Variants in SEM1 observed in about 807,000 individuals in gnomAD.
SEM1 encodes 26S proteasome complex subunit SEM1.
SEM1 carries 3 observed loss-of-function variants against 12.7 expected under a neutral mutation model. That is an observed-to-expected ratio of 0.24 (90% confidence interval 0.11 to 0.61). SEM1 has a LOEUF of 0.61. Ranked by LOEUF, SEM1 falls within the 20% of genes least tolerant of loss-of-function variation. SEM1 has a pLI of 0.88. For synonymous variants in SEM1, 30 were observed against 27.8 expected, an observed-to-expected ratio of 1.08 and a Z score of -0.25; for missense variants, 59 against 81.3, an observed-to-expected ratio of 0.73 and a Z score of 1.06.
At chr7:96,486,136 A>G in intron 2 of SEM1, 10 of 1,225,662 alleles carry the variant, frequency 8.2e-6, no homozygotes, top group South Asian at 1.4e-5. Context: ...TCTGGTGTCA[A>G]AGACTTAGAG....
chr7:96,484,200 G>T (rs1802661499), intron 3 of SEM1, among the ~76,000 whole-genome samples: 1 of 152,154 alleles, frequency 6.6e-6, no homozygotes, highest in African/African-American at 2.4e-5. Flanking sequence ...TGGCAGAATA[G>T]GTCCAGAGGT....
At chr7:96,485,231 C>T (rs1158920024) in intron 2 of SEM1, among the ~76,000 whole-genome samples, 1 of 152,158 alleles carries the variant, frequency 6.6e-6, no homozygotes, top group African/African-American at 2.4e-5. Context: ...TATTGGTTTC[C>T]TATTGCTACT....
exon 2 of SEM1, chr7:96,486,270 C>G (rs1316845184): frequency 2.0e-6 from 3 of 1,536,830 alleles, no homozygotes; most frequent in Non-Finnish European, 2.6e-6. Flanking sequence ...TGTTGCTTTG[C>G]AAAGGCCGGA....
At chr7:96,569,354 A>G (rs186954571) in intron 2 of SEM1, among the ~76,000 whole-genome samples, 78 of 152,166 alleles carry the variant, frequency 5.1e-4, no homozygotes, top group Admixed American at 2.0e-3. Flanking sequence ...CCAGCATTGT[A>G]TTTGTGAATA....
At chr7:96,666,032 G>A (rs10269596) in intron 2 of SEM1, among the ~76,000 whole-genome samples, 50,584 of 151,944 alleles carry the variant, frequency 0.33, 9,949 homozygotes, top group African/African-American at 0.56. Flanking sequence ...CTAGCAAGTG[G>A]GAAAAAAGCT....
chr7:96,601,061 T>A (rs1807183122), intron 2 of SEM1, among the ~76,000 whole-genome samples: 1 of 152,138 alleles, frequency 6.6e-6, no homozygotes, highest in South Asian at 2.1e-4. Flanking sequence ...TAACCAGAGA[T>A]CCCCAGTAGG....
intron 2 of SEM1, among the ~76,000 whole-genome samples, chr7:96,593,119 C>T (rs1806885306): frequency 6.6e-6 from 1 of 151,782 alleles, no homozygotes; most frequent in Non-Finnish European, 1.5e-5. Flanking sequence ...TGAATATCTG[C>T]GAGAGACCTT....
intron 3 of SEM1, chr7:96,484,004 A>G (rs1346859559): frequency 1.3e-6 from 2 of 1,483,692 alleles, no homozygotes; most frequent in African/African-American, 2.8e-5. Flanking sequence ...AAGAAGAATG[A>G]TAAATGCTGT....
At chr7:96,684,056 G>C (rs1256469227), downstream of SEM1, among the ~76,000 whole-genome samples, 3 of 151,922 alleles carry the variant, frequency 2.0e-5, no homozygotes, top group African/African-American at 7.3e-5. Flanking sequence ...GACGTTTGTA[G>C]GCTTGTTTTA....
intron 2 of SEM1, among the ~76,000 whole-genome samples, chr7:96,544,325 T>C (rs1014103551): frequency 6.6e-6 from 1 of 152,064 alleles, no homozygotes; most frequent in Admixed American, 6.6e-5. Flanking sequence ...ACTGAGCACC[T>C]ACTATGTTTC....
At chr7:96,663,214 G>T (rs189984378) in intron 2 of SEM1, among the ~76,000 whole-genome samples, 9 of 152,128 alleles carry the variant, frequency 5.9e-5, no homozygotes, top group Admixed American at 5.9e-4. Context: ...ACTGAAACTG[G>T]GCAATGAGTA....
At chr7:96,518,508 T>C (rs1319695311) in intron 2 of SEM1, among the ~76,000 whole-genome samples, 1 of 152,168 alleles carries the variant, frequency 6.6e-6, no homozygotes, top group East Asian at 1.9e-4. Context: ...CTGTGACCAC[T>C]GATGTGACCA....
intron 2 of SEM1, among the ~76,000 whole-genome samples, chr7:96,646,662 A>C (rs1219625720): frequency 1.3e-5 from 2 of 151,822 alleles, no homozygotes; most frequent in Non-Finnish European, 2.9e-5. Context: ...TCCCACTCCC[A>C]CCTCCGACTG....
intron 2 of SEM1, among the ~76,000 whole-genome samples, chr7:96,594,508 A>G (rs920376344): frequency 7.9e-5 from 12 of 152,212 alleles, no homozygotes; most frequent in African/African-American, 2.9e-4. Flanking sequence ...TAGGTAAGTG[A>G]GTCCTGTCTA....
In SEM1 at chr7:96,549,480, C is replaced by T. The variant is rs1805201167; in HGVS notation, c.171-42782G>A. ...TATGTTCATCCAGTGGCTTAAATCC[C>T]ACTAATTTCATAAAAGCGTTCTTTA... is the stretch of plus-strand genomic sequence containing the variant. On this transcript the variant is annotated intron_variant and NMD_transcript_variant, in intron 2 of 3. Transcript: ENST00000466986. 2.6e-5 allele frequency among the ~76,000 whole-genome samples: 4 copies of T among 152,284 alleles called. No homozygotes were observed. In the South Asian group the frequency reaches 8.3e-4, roughly 32 times the overall value.
chr7:96,656,771 G>A (rs1169014485), intron 2 of SEM1, among the ~76,000 whole-genome samples: 1 of 151,902 alleles, frequency 6.6e-6, no homozygotes, highest in African/African-American at 2.4e-5. Context: ...CCACGGGCTA[G>A]TAGTTTTAGC....
At chr7:96,627,115 C>T (rs1808096105) in intron 2 of SEM1, among the ~76,000 whole-genome samples, 1 of 151,926 alleles carries the variant, frequency 6.6e-6, no homozygotes, top group Non-Finnish European at 1.5e-5. Context: ...TGTAATGTCT[C>T]CTCTTCATCT....
intron 2 of SEM1, among the ~76,000 whole-genome samples, chr7:96,626,614 C>G (rs1162020644): frequency 6.6e-6 from 1 of 151,998 alleles, no homozygotes; most frequent in Admixed American, 6.6e-5. Flanking sequence ...TTGAACCATC[C>G]TTGAATACTA....
At chr7:96,535,850 C>A (rs900880501) in intron 2 of SEM1, among the ~76,000 whole-genome samples, 1 of 151,898 alleles carries the variant, frequency 6.6e-6, no homozygotes. Context: ...TTTCTTTATT[C>A]AGTCTACCAC....
Sources: gnomAD v4.1 joint callset for allele counts (sites outside exome capture counted in the v4.1 genomes callset) on GRCh38, gnomAD v4.1.1 for gene constraint, MANE v1.5 for transcripts, NCBI Gene and HGNC (gene_info 2026-07-23, HGNC 2026-07-21) for gene names.